The following CNTNAP2 variants were observed in gnomAD, a reference collection of about 807,000 sequenced individuals.
CNTNAP2 encodes the protein contactin associated protein 2, also known as contactin-associated protein-like 2.
CNTNAP2 carries 98 observed loss-of-function variants against 155.2 expected under a neutral mutation model. The ratio of observed to expected loss-of-function variants is 0.63; its 90% CI spans 0.54 to 0.75. The LOEUF (loss-of-function observed/expected upper bound fraction) is 0.75, where lower values mean the gene tolerates loss of function less well. Among genes scored for constraint, CNTNAP2 ranks in the 30% least tolerant of loss-of-function variants. The pLI is 0.00. For missense variants in CNTNAP2, 1,727 were observed against 1,688.1 expected (o/e 1.02, Z -0.40); for synonymous variants, 651 against 631.2 (o/e 1.03, Z -0.47).
intron 1 of CNTNAP2, among the ~76,000 whole-genome samples, chr7:146,752,631 T>A (rs12386661): frequency 2.6e-5 from 4 of 151,998 alleles, no homozygotes; most frequent in African/African-American, 9.6e-5. Flanking sequence ...AATTAGATCC[T>A]ATTTATCAAT....
At chr7:146,927,090 C>G (rs1045578236) in intron 3 of CNTNAP2, among the ~76,000 whole-genome samples, 3 of 152,094 alleles carry the variant, frequency 2.0e-5, no homozygotes, top group Non-Finnish European at 2.9e-5. Context: ...AGACAACTTA[C>G]TGTAAAATTC....
intron 21 of CNTNAP2, among the ~76,000 whole-genome samples, chr7:148,319,467 T>C (rs1797752405): frequency 1.3e-5 from 2 of 152,188 alleles, no homozygotes; most frequent in African/African-American, 4.8e-5. Flanking sequence ...ACAATCAGTC[T>C]GCTAGGTCAG....
rs199638412 is a variant in CNTNAP2 at position 148,349,401 on chromosome 7, A to G, written c.3476-34248A>G. ...ATGAGCTTTAAAAATTGCAAAAAAAATCTCTCTTTTTTTTTTTTGAGACAG... is the reference window on the plus strand; with the variant it reads ...ATGAGCTTTAAAAATTGCAAAAAAAGTCTCTCTTTTTTTTTTTTGAGACAG... On this transcript the variant is annotated intron_variant, in intron 21 of 23. Coordinates refer to ENST00000361727, the MANE Select transcript of CNTNAP2 (RefSeq NM_014141.6). Among the ~76,000 whole-genome samples the G allele has an allele frequency of 3.5e-3, 4 of 1,158 alleles. No individual in the cohort carries two copies. The Admixed American group carries it at 0.037, about 11-fold the overall frequency. The allele number at this position is 1,158 out of a possible 152,430, so 0.8% of individuals were successfully genotyped here.
chr7:148,297,911 G>A (rs948999618), intron 21 of CNTNAP2, among the ~76,000 whole-genome samples: 21 of 152,058 alleles, frequency 1.4e-4, no homozygotes, highest in Admixed American at 1.2e-3. Context: ...AGCACACATG[G>A]CCTGGCTGTG....
intron 1 of CNTNAP2, among the ~76,000 whole-genome samples, chr7:146,304,095 C>CTT (rs550435247): frequency 0.055 from 7,247 of 132,434 alleles, 487 homozygotes; most frequent in African/African-American, 0.16. Flanking sequence ...GCAAACCCTG[C>CTT]TTTTTTTTTT....
chr7:147,782,491 G>T (rs1318956318), intron 13 of CNTNAP2, among the ~76,000 whole-genome samples: 1 of 152,178 alleles, frequency 6.6e-6, no homozygotes, highest in Admixed American at 6.5e-5. Flanking sequence ...AGCAGATTGG[G>T]TGTCTGGTGG....
At chr7:148,074,304 A>G (rs557141542) in intron 15 of CNTNAP2, among the ~76,000 whole-genome samples, 1 of 152,292 alleles carries the variant, frequency 6.6e-6, no homozygotes, top group East Asian at 1.9e-4. Context: ...ACAGTGGACT[A>G]CAAAGATTAA....
At position 147,973,160 on chromosome 7, in the gene CNTNAP2, T is replaced by TA. The variant is rs35756000; in HGVS notation, c.2256-4681dup. Among the ~76,000 whole-genome samples the TA allele has an allele frequency of 8.2e-3, 988 of 120,812 alleles. 29 individuals carry two copies. Among genetic ancestry groups the TA allele is most frequent in the African/African-American group, 0.03 (872 of 28,930 alleles). The allele number at this position is 120,812 out of a possible 152,430, so 79.3% of individuals were successfully genotyped here. A position where few individuals can be genotyped will look rare whatever the true frequency, so the allele number is the denominator to read the frequency against. On this transcript the variant is annotated intron_variant, in intron 14 of 23. Transcript: ENST00000361727. ...CAGAGCAAGACCCTGTCTCTAAAATTAAAAAAAAAAAAAAAAAAAAAGTAG... is the reference window on the plus strand; with the variant it reads ...CAGAGCAAGACCCTGTCTCTAAAATTAAAAAAAAAAAAAAAAAAAAAAGTAG...
At chr7:146,214,286 A>G (rs1163868967) in intron 1 of CNTNAP2, among the ~76,000 whole-genome samples, 1 of 152,224 alleles carries the variant, frequency 6.6e-6, no homozygotes, top group Non-Finnish European at 1.5e-5. Flanking sequence ...GTGCTTAAAT[A>G]TAAACTGTTG....
chr7:146,288,221 C>G (rs1239391172), intron 1 of CNTNAP2, among the ~76,000 whole-genome samples: 1 of 150,378 alleles, frequency 6.6e-6, no homozygotes, highest in Non-Finnish European at 1.5e-5. Context: ...TTGCTTGGAC[C>G]TGGGAGGCCG....
chr7:148,179,837 C>T (rs1040967233), intron 18 of CNTNAP2, among the ~76,000 whole-genome samples: 9 of 152,112 alleles, frequency 5.9e-5, no homozygotes, highest in African/African-American at 9.7e-5. Context: ...CTCAAGTCCA[C>T]GTTATACCTC....
Position 146,434,497 on chromosome 7 carries a change from A to C in CNTNAP2, c.97+317524A>C, listed in dbSNP as rs149922475. Among the ~76,000 whole-genome samples, 264 of 152,260 alleles carry C rather than the reference A, an allele frequency of 1.7e-3. 2 individuals carry two copies. The highest frequency in any genetic ancestry group is 6.0e-3 in the African/African-American group (249 of 41,560). ...ACTTACTATTAGTTCATAACCCTCAACATTTATGTGAATAATCTAAGTTTC... is the reference window on the plus strand; with the variant it reads ...ACTTACTATTAGTTCATAACCCTCACCATTTATGTGAATAATCTAAGTTTC... On this transcript the variant is annotated intron_variant, in intron 1 of 23. Transcript: ENST00000361727.
chr7:146,525,417 G>C (rs985309889), intron 1 of CNTNAP2, among the ~76,000 whole-genome samples: 2 of 152,080 alleles, frequency 1.3e-5, no homozygotes, highest in Admixed American at 6.6e-5. Flanking sequence ...ACATGACTTT[G>C]CATCAAATAG....
At chr7:147,949,129 A>G (rs1388049796) in intron 14 of CNTNAP2, among the ~76,000 whole-genome samples, 1 of 151,972 alleles carries the variant, frequency 6.6e-6, no homozygotes, top group African/African-American at 2.4e-5. Context: ...TGAACCCAAG[A>G]GGCGGAGGTT....
At chr7:148,390,492 G>A (rs891519159) in intron 22 of CNTNAP2, among the ~76,000 whole-genome samples, 6 of 152,190 alleles carry the variant, frequency 3.9e-5, no homozygotes, top group African/African-American at 1.4e-4. Flanking sequence ...GCTGTGAAGA[G>A]TAAGGAATCA....
chr7:147,927,869 T>C (rs187497722), intron 14 of CNTNAP2, among the ~76,000 whole-genome samples: 1 of 152,180 alleles, frequency 6.6e-6, no homozygotes, highest in East Asian at 1.9e-4. Flanking sequence ...TAAGTTAGAG[T>C]CCCAGGACTA....
At chr7:147,067,626 C>CT (rs772549527) in intron 4 of CNTNAP2, among the ~76,000 whole-genome samples, 3 of 152,260 alleles carry the variant, frequency 2.0e-5, no homozygotes, top group Non-Finnish European at 2.9e-5. Context: ...TGAACTGTCC[C>CT]TAGAATACAA....
intron 1 of CNTNAP2, among the ~76,000 whole-genome samples, chr7:146,170,020 T>A (rs1287104278): frequency 3.5e-5 from 5 of 142,896 alleles, no homozygotes; most frequent in Admixed American, 7.0e-5. Context: ...TTTCTTTTCT[T>A]TTTTTTTTTT....
chr7:148,063,341 C>G (rs924852459), intron 15 of CNTNAP2, among the ~76,000 whole-genome samples: 1 of 152,150 alleles, frequency 6.6e-6, no homozygotes, highest in African/African-American at 2.4e-5. Context: ...ATTATCTCTT[C>G]AAATATTTTC....
Sources: gnomAD v4.1 joint callset for allele counts (sites outside exome capture counted in the v4.1 genomes callset) on GRCh38, gnomAD v4.1.1 for gene constraint, MANE v1.5 for transcripts, NCBI Gene and HGNC (gene_info 2026-07-23, HGNC 2026-07-21) for gene names.